Variants in LAMA4 observed in about 807,000 individuals in gnomAD.
The protein encoded by LAMA4 is laminin subunit alpha 4, also known as laminin subunit alpha-4.
A neutral mutation model predicts 207.1 loss-of-function variants in LAMA4; 127 were observed. The ratio of observed to expected loss-of-function variants is 0.61; its 90% CI spans 0.53 to 0.71. The LOEUF is 0.71. Ranked by LOEUF, LAMA4 falls within the 30% of genes least tolerant of loss-of-function variation. LAMA4 has a pLI of 0.00. For synonymous variants in LAMA4, 761 were observed against 816.0 expected (o/e 0.93, Z 1.15); for missense variants, 2,093 against 2,246.5 (o/e 0.93, Z 1.38).
intron 2 of LAMA4, among the ~76,000 whole-genome samples, chr6:112,238,529 G>A (rs1786105383): frequency 6.6e-6 from 1 of 152,022 alleles, no homozygotes; most frequent in South Asian, 2.1e-4. Context: ...GGCCAACATG[G>A]TGAAACCCTG....
At chr6:112,179,335 G>T (rs1226008539) in intron 9 of LAMA4, 1 of 152,266 alleles carries the variant, frequency 6.6e-6, no homozygotes, top group African/African-American at 2.4e-5. Context: ...ATGATTCAAG[G>T]CTAGGACACC....
At chr6:112,141,257 G>C in intron 21 of LAMA4, 101 bp downstream of exon 21, 1 of 1,107,194 alleles carries the variant, frequency 9.0e-7, no homozygotes, top group Non-Finnish European at 1.4e-6. Flanking sequence ...ACATCCACAG[G>C]AAGACTGTGT....
At chr6:112,156,189 G>C (rs782434627) in intron 14 of LAMA4, among the ~76,000 whole-genome samples, 1 of 152,004 alleles carries the variant, frequency 6.6e-6, no homozygotes. Context: ...TCAGGAGTGA[G>C]ACAGCCCCAG....
chr6:112,191,094 T>C (rs552281634), intron 6 of LAMA4, among the ~76,000 whole-genome samples: 1 of 151,812 alleles, frequency 6.6e-6, no homozygotes, highest in South Asian at 2.1e-4. Context: ...CTCCACCTCC[T>C]GGGTTCAAGG....
intron 13 of LAMA4, among the ~76,000 whole-genome samples, chr6:112,163,041 G>A (rs1439513981): frequency 1.4e-5 from 2 of 146,450 alleles, no homozygotes; most frequent in Non-Finnish European, 3.0e-5. Flanking sequence ...GCACCATCAC[G>A]GCTCACTGCA....
intron 27 of LAMA4, 60 bp from the exon 28 acceptor site, chr6:112,132,950 C>T (rs1779126733): frequency 2.6e-6 from 4 of 1,522,432 alleles, no homozygotes; most frequent in Non-Finnish European, 3.6e-6. Flanking sequence ...TTAAAACTAT[C>T]AATGTTTCAC....
chr6:112,130,891 T>G (rs1052509820), intron 29 of LAMA4, 77 bp downstream of exon 29: 2 of 1,470,448 alleles, frequency 1.4e-6, no homozygotes, highest in African/African-American at 2.8e-5. Flanking sequence ...GGACAGCCTA[T>G]TATTCATAGT....
chr6:112,165,857 A>G (rs529047548), intron 12 of LAMA4, among the ~76,000 whole-genome samples: 11 of 152,366 alleles, frequency 7.2e-5, no homozygotes, highest in South Asian at 2.1e-4. Flanking sequence ...GAAAGTAAAT[A>G]CTAATACATG....
chr6:112,229,178 T>G (rs1426475837), intron 2 of LAMA4, among the ~76,000 whole-genome samples: 1 of 152,364 alleles, frequency 6.6e-6, no homozygotes, highest in East Asian at 1.9e-4. Flanking sequence ...CAGAAATCCC[T>G]GTGGCTCATA....
chr6:112,190,920 TTTCTTTCTTTCTTTCTTTCTTTCTTTCC>T (rs1562714170), intron 6 of LAMA4, among the ~76,000 whole-genome samples: 5 of 103,114 alleles, frequency 4.8e-5, no homozygotes, highest in Admixed American at 1.1e-4. Flanking sequence ...TCTTTCTTTC[TTTCTTTCTTTCTTTCTTTCTTTCTTTCC>T]TTTCTTTCTT....
chr6:112,168,079 TC>T (rs1239138791), intron 12 of LAMA4, among the ~76,000 whole-genome samples: 1 of 151,354 alleles, frequency 6.6e-6, no homozygotes, highest in East Asian at 2.0e-4. Flanking sequence ...GTGCCTGTAG[TC>T]CCAGCTACTC....
intron 11 of LAMA4, 75 bp from the exon 12 acceptor site, chr6:112,172,879 G>C: frequency 7.7e-7 from 1 of 1,291,746 alleles, no homozygotes; most frequent in Non-Finnish European, 1.1e-6. Context: ...ATTTTGCAAA[G>C]TTGCAAAATT....
chr6:112,195,538 G>C (rs782369820), intron 5 of LAMA4, among the ~76,000 whole-genome samples: 35 of 152,068 alleles, frequency 2.3e-4, no homozygotes, highest in Non-Finnish European at 4.6e-4. Context: ...CCATTATCAA[G>C]GCCATCATTG....
chr6:112,207,289 T>A (rs1339337620), intron 3 of LAMA4, 144 bp from the exon 4 acceptor site: 1 of 886,926 alleles, frequency 1.1e-6, no homozygotes, highest in Non-Finnish European at 1.8e-6. Context: ...CAGATTAGCA[T>A]GAGGAGTCAC....
rs145193454 is a variant in LAMA4, at chr6:112,154,858, T to A, written c.2049A>T (p.Ala683=). 7 of 1,598,712 alleles carry A rather than the reference T, an allele frequency of 4.4e-6. No individual in the cohort carries two copies. The highest frequency in any genetic ancestry group is 6.0e-6 in the Non-Finnish European group (7 of 1,166,136). ...LNQARELQAK[A]ESSSDEAVAD... is the part of the protein sequence containing the mutation. ...GAAAGTGAAGATATTTACTAGACTC[T>A]GCCTTTGCTTGCAGTTCTCTGGCTT... Residue 683 remains alanine (A), a synonymous_variant, in exon 16 of 39, where the codon GCA becomes GCT. Coordinates refer to ENST00000230538, the MANE Select transcript of LAMA4 (RefSeq NM_001105206.3).
At chr6:112,175,549 C>G in intron 10 of LAMA4, 69 bp from the exon 11 acceptor site, 2 of 1,522,782 alleles carry the variant, frequency 1.3e-6, no homozygotes, top group Non-Finnish European at 1.8e-6. Flanking sequence ...TGCAAGGGAG[C>G]AAGGGCTGTG....
chr6:112,208,517 G>A (rs13202093), intron 3 of LAMA4, among the ~76,000 whole-genome samples: 9,375 of 152,196 alleles, frequency 0.062, 332 homozygotes, highest in East Asian at 0.15. Flanking sequence ...CAAATTGCCC[G>A]AGGTCACACG....
At chr6:112,212,746 C>T (rs1436351779) in intron 3 of LAMA4, among the ~76,000 whole-genome samples, 1 of 152,158 alleles carries the variant, frequency 6.6e-6, no homozygotes, top group African/African-American at 2.4e-5. Flanking sequence ...TGCACTTGAT[C>T]TAGATACCAA....
chr6:112,186,674 C>T (rs1562708464), intron 8 of LAMA4: 1 of 409,712 alleles, frequency 2.4e-6, no homozygotes, highest in East Asian at 7.1e-5. Flanking sequence ...ACTTATAATA[C>T]CACTTATAAT....
Sources: gnomAD v4.1 joint callset for allele counts (sites outside exome capture counted in the v4.1 genomes callset) on GRCh38, gnomAD v4.1.1 for gene constraint, MANE v1.5 for transcripts, NCBI Gene and HGNC (gene_info 2026-07-23, HGNC 2026-07-21) for gene names.